MOB3B: variants seen among roughly 807,000 people sequenced by gnomAD.
MOB3B encodes MOB kinase activator 3B, also known as MOB kinase activator-like 2B.
Under a neutral mutation model 18.7 loss-of-function variants are expected in MOB3B, and 7 were observed. The observed-to-expected ratio is 0.37, with a 90% confidence interval of 0.21 to 0.70. The LOEUF is 0.70. Ranked by LOEUF, MOB3B falls within the 30% of genes least tolerant of loss-of-function variation. MOB3B has a pLI of 0.52. For synonymous variants in MOB3B, 111 were observed against 99.9 expected (o/e 1.11, Z -0.66); for missense variants, 253 against 281.3 (o/e 0.90, Z 0.72).
chr9:27,491,222 C>G (rs1354888192), intron 1 of MOB3B, among the ~76,000 whole-genome samples: 3 of 152,024 alleles, frequency 2.0e-5, no homozygotes, highest in Non-Finnish European at 4.4e-5. Context: ...TCACTGTTGT[C>G]AAAATATAAA....
At chr9:27,524,150 T>TAAAAAAAAAAAAAAAAAAAAA in intron 1 of MOB3B, among the ~76,000 whole-genome samples, 1 of 90,274 alleles carries the variant, frequency 1.1e-5, no homozygotes, top group Non-Finnish European at 2.1e-5. Context: ...TCACCCGAAG[T>TAAAAAAAAAAAAAAAAAAAAA]AAAAAAAAAA....
chr9:27,353,485 G>A (rs1318297713), intron 3 of MOB3B, among the ~76,000 whole-genome samples: 2 of 152,160 alleles, frequency 1.3e-5, no homozygotes, highest in Admixed American at 1.3e-4. Context: ...CCTGCTATAA[G>A]GTAACAGAAC....
At chr9:27,527,104 T>A (rs1028994019) in intron 1 of MOB3B, among the ~76,000 whole-genome samples, 2 of 152,264 alleles carry the variant, frequency 1.3e-5, no homozygotes, top group African/African-American at 4.8e-5. Context: ...ATAGTGATTT[T>A]TTTGGGAAGA....
At chr9:27,378,024 AAG>A (rs1821517340) in intron 2 of MOB3B, among the ~76,000 whole-genome samples, 1 of 152,216 alleles carries the variant, frequency 6.6e-6, no homozygotes, top group Non-Finnish European at 1.5e-5. Context: ...CACTTAGACT[AAG>A]AGTTTGTATA....
At chr9:27,460,304 G>A (rs1249472293) in intron 1 of MOB3B, among the ~76,000 whole-genome samples, 1 of 152,182 alleles carries the variant, frequency 6.6e-6, no homozygotes, top group Non-Finnish European at 1.5e-5. Context: ...ACTGACAGAA[G>A]TTCCATGTGC....
At chr9:27,515,052 C>T (rs1001735882) in intron 1 of MOB3B, among the ~76,000 whole-genome samples, 2 of 152,248 alleles carry the variant, frequency 1.3e-5, no homozygotes, top group Admixed American at 1.3e-4. Context: ...CTTTTGGATG[C>T]TATAAATACT....
rs1189491583 is a variant in MOB3B at position 27,370,408 on chromosome 9, T to C, written c.419-11172A>G. Among the ~76,000 whole-genome samples, 6 of 150,484 alleles carry C rather than the reference T, an allele frequency of 4.0e-5. No individual in the cohort carries two copies. The East Asian group carries it at 1.2e-3, about 29-fold the overall frequency. ...TTGTAATCCCAGCTACTAGGGAGGC[T>C]GAGGCAGGAGAATCACTTGAACTTG... On this transcript the variant is annotated intron_variant, in intron 2 of 3. Transcript: ENST00000262244.
chr9:27,526,678 C>G (rs551452710), intron 1 of MOB3B, among the ~76,000 whole-genome samples: 2 of 152,112 alleles, frequency 1.3e-5, no homozygotes, highest in Admixed American at 6.5e-5. Flanking sequence ...AAGATCACAT[C>G]TAATCAAAAG....
intron 2 of MOB3B, among the ~76,000 whole-genome samples, chr9:27,398,618 A>G (rs1821834097): frequency 6.6e-6 from 1 of 152,208 alleles, no homozygotes; most frequent in Admixed American, 6.5e-5. Flanking sequence ...AGACTTAAAG[A>G]GCTGAGTAGA....
At chr9:27,452,211 T>C (rs907490519) in intron 2 of MOB3B, among the ~76,000 whole-genome samples, 1 of 116,346 alleles carries the variant, frequency 8.6e-6, no homozygotes, top group Admixed American at 8.0e-5. Context: ...CACCCGTCCA[T>C]CCATCCATCC....
intron 1 of MOB3B, among the ~76,000 whole-genome samples, chr9:27,503,083 G>T (rs1820012073): frequency 6.6e-6 from 1 of 152,144 alleles, no homozygotes; most frequent in South Asian, 2.1e-4. Flanking sequence ...ATTCAGTGAA[G>T]CAGGAGCCGG....
At chr9:27,493,578 T>C (rs983705146) in intron 1 of MOB3B, among the ~76,000 whole-genome samples, 1 of 152,044 alleles carries the variant, frequency 6.6e-6, no homozygotes, top group African/African-American at 2.4e-5. Context: ...GAGGTGAAGG[T>C]TGCAGTGAGC....
intron 1 of MOB3B, among the ~76,000 whole-genome samples, chr9:27,523,657 G>A (rs1314545946): frequency 3.9e-5 from 6 of 152,104 alleles, no homozygotes; most frequent in Non-Finnish European, 7.4e-5. Context: ...ATTTTCTAAT[G>A]CAACAGAAAA....
intron 1 of MOB3B, among the ~76,000 whole-genome samples, chr9:27,490,765 T>C (rs1366339104): frequency 1.3e-5 from 2 of 152,206 alleles, no homozygotes; most frequent in South Asian, 4.1e-4. Flanking sequence ...ACACTGGACC[T>C]TGATGCTTTT....
intron 1 of MOB3B, among the ~76,000 whole-genome samples, chr9:27,482,607 G>C (rs983365081): frequency 1.3e-5 from 2 of 152,130 alleles, no homozygotes; most frequent in Non-Finnish European, 2.9e-5. Context: ...ACCTGGCTCA[G>C]TTGCATCTCA....
Position 27,455,639 on chromosome 9 carries a change from C to CA in MOB3B, c.-90dup, listed in dbSNP as rs1451059243. The CA allele has an allele frequency of 3.2e-6, 5 of 1,581,212 alleles. No homozygotes were observed. Among genetic ancestry groups the CA allele is most frequent in the Non-Finnish European group, 4.3e-6 (5 of 1,169,780 alleles). The stretch of plus-strand genomic sequence containing the variant: ...GAGATCACAGCCCAACAGTGTTTTC[C>CA]ACTGCCAGCACTCAGGCCCCAGTCT... On this transcript the variant is annotated 5_prime_UTR_variant, in exon 2 of 4. Transcript: ENST00000262244.
intron 2 of MOB3B, chr9:27,397,021 G>A (rs1257756179): frequency 6.6e-6 from 1 of 152,192 alleles, no homozygotes; most frequent in African/African-American, 2.4e-5. Flanking sequence ...CAGCTTTTAA[G>A]GAAATAATAT....
chr9:27,359,253 G>A lies in MOB3B; in HGVS notation c.419-17C>T. 1 of 1,608,470 alleles carries A rather than the reference G, an allele frequency of 6.2e-7. No individual in the cohort carries two copies. Among genetic ancestry groups the A allele is most frequent in the Non-Finnish European group, 8.5e-7 (1 of 1,175,266 alleles). On this transcript the variant is annotated splice_polypyrimidine_tract_variant and intron_variant, in intron 2 of 3. Transcript: ENST00000262244. ...AGGGAACACCTAGAGAAGAAAAAAAGAAGAAAGAATGAAACCATGATGGGA... is the reference window on the plus strand; with the variant it reads ...AGGGAACACCTAGAGAAGAAAAAAAAAAGAAAGAATGAAACCATGATGGGA...
intron 3 of MOB3B, 112 bp downstream of exon 3, chr9:27,358,922 C>T (rs1821231903): frequency 9.0e-7 from 1 of 1,109,498 alleles, no homozygotes; most frequent in East Asian, 2.4e-5. Context: ...CTGCAGCCCT[C>T]AGGCTAACAG....
Sources: gnomAD v4.1 joint callset for allele counts (sites outside exome capture counted in the v4.1 genomes callset) on GRCh38, gnomAD v4.1.1 for gene constraint, MANE v1.5 for transcripts, NCBI Gene and HGNC (gene_info 2026-07-23, HGNC 2026-07-21) for gene names.